Variants in ASPM observed in about 807,000 individuals in gnomAD.
The protein encoded by ASPM is assembly factor for spindle microtubules.
Under a neutral mutation model 366.4 loss-of-function variants are expected in ASPM, and 256 were observed. The observed-to-expected ratio is 0.70, with a 90% CI of 0.63 to 0.77. ASPM has a LOEUF of 0.77. Ranked by LOEUF, ASPM falls within the 30% of genes least tolerant of loss-of-function variation. The pLI is 0.00. For synonymous variants in ASPM, 1,414 were observed against 1,342.9 expected, an observed-to-expected ratio of 1.05 and a Z score of -1.16; for missense variants, 4,146 against 4,090.4, an observed-to-expected ratio of 1.01 and a Z score of -0.37.
At chr1:197,145,711 G>A (rs1463278050) in intron 1 of ASPM, among the ~76,000 whole-genome samples, 1 of 152,000 alleles carries the variant, frequency 6.6e-6, no homozygotes, top group African/African-American at 2.4e-5. Context: ...ATTTCACAAC[G>A]CCTTAAGTCT....
chr1:197,131,034 A>G (rs1658240018), intron 7 of ASPM, among the ~76,000 whole-genome samples: 1 of 152,214 alleles, frequency 6.6e-6, no homozygotes. Context: ...GAATTCTTTC[A>G]TATGTGAAGC....
Position 197,143,328 on chromosome 1 carries a change from A to G in ASPM, c.924T>C (p.Ile308=). 1 of 1,613,984 alleles carries G rather than the reference A, an allele frequency of 6.2e-7. No homozygotes were observed. Among genetic ancestry groups the G allele is most frequent in the Non-Finnish European group, 8.5e-7 (1 of 1,179,832 alleles). The part of the protein sequence containing the change: ...LTPNCSSTLN[I]TQSQIHFLSP... The stretch of plus-strand genomic sequence containing the variant: ...TTAGAAAATGTATTTGGCTTTGTGT[A>G]ATGTTCAAAGTTGAAGAACAGTTGG... The change falls in exon 3 of 28, where the codon ATT becomes ATC. Residue 308 remains isoleucine, a synonymous_variant. Transcript: ENST00000367409.
In ASPM at chr1:197,084,342, C is replaced by A; in HGVS notation, c.10416G>T (p.Thr3472=). 6.2e-7 allele frequency: 1 copy of A among 1,610,386 alleles called. No individual in the cohort carries two copies. The highest frequency in any genetic ancestry group is 1.1e-5 in the South Asian group (1 of 90,962). The change falls in exon 28 of 28, where the codon ACG becomes ACT. Residue 3472 remains threonine (T), a synonymous_variant. Transcript: ENST00000367409. ...PLQAIQMVMD[T]LGIPY ...ACATTTACTAATAAGGAATGCCAAG[C>A]GTATCCATCACCATTTGAATAGCTT...
At position 197,102,533 on chromosome 1, in the gene ASPM, T is replaced by A; in HGVS notation, c.6718A>T (p.Arg2240Trp). The A allele has an allele frequency of 6.2e-7, 1 of 1,612,634 alleles. No individual in the cohort carries two copies. The highest frequency in any genetic ancestry group is 8.5e-7 in the Non-Finnish European group (1 of 1,179,226). The stretch of plus-strand genomic sequence containing the variant: ...GCCTGAATGTATATTACAGAATGCC[T>A]CAGTTTGTTATACCTTTGAAATTGT... ...NIQFQRYNKL[R>W]HSVIYIQAIF... The change falls in exon 18 of 28, where the codon AGG (arginine) becomes TGG (tryptophan). Residue 2240 changes from arginine (R) to tryptophan (W), a missense_variant. Physicochemically the swap from Arg to Trp is moderately radical, Grantham distance 101 (BLOSUM62 -3). Around this residue, in one of 3 missense-constraint regions of ASPM, gnomAD observed 3,624 missense variants for 3,591.7 expected, o/e 1.01. Transcript: ENST00000367409.
intron 4 of ASPM, among the ~76,000 whole-genome samples, chr1:197,135,851 G>A (rs942054450): frequency 1.2e-4 from 19 of 152,088 alleles, no homozygotes; most frequent in Admixed American, 3.9e-4. Flanking sequence ...TACCTGGGAG[G>A]CCGAGACGGG....
Position 197,142,492 on chromosome 1 carries a change from C to A in ASPM, c.1760G>T (p.Arg587Ile). The A allele has an allele frequency of 6.2e-7, 1 of 1,614,030 alleles. No individual in the cohort carries two copies. Among genetic ancestry groups the A allele is most frequent in the African/African-American group, 1.3e-5 (1 of 75,058 alleles). Residue 587 changes from arginine (R) to isoleucine (I), a missense_variant, in exon 3 of 28, where the codon AGA becomes ATA. This residue lies in a region of ASPM where 3,624 missense variants were observed against 3,591.7 expected (regional missense o/e 1.01). Coordinates refer to ENST00000367409, the MANE Select transcript of ASPM (RefSeq NM_018136.5). ...TTCTGTATGTTCTGTAATTGCAACT[C>A]TCACATTTGCATCTTCCATGCTTCC... The part of the protein sequence containing the change: ...SDGSMEDANV[R>I]VAITEHTEVR...
intron 6 of ASPM, among the ~76,000 whole-genome samples, chr1:197,133,138 C>T (rs1480663961): frequency 2.0e-5 from 3 of 152,144 alleles, no homozygotes; most frequent in African/African-American, 7.2e-5. Flanking sequence ...CACACATACA[C>T]ACAAGAAGGT....
At position 197,117,908 on chromosome 1, in the gene ASPM, C is replaced by T; in HGVS notation, c.3946G>A (p.Val1316Ile). The part of the protein sequence containing the change: ...FLAKQRLRKR[V>I]NAALVIQKYW... Reference sequence around the variant, plus strand: ...TTCTGAATGACGAGTGCTGCATTAACTCTTTTTCTCAATCTTTGTTTTGCT... The same window carrying T: ...TTCTGAATGACGAGTGCTGCATTAATTCTTTTTCTCAATCTTTGTTTTGCT... Residue 1316 changes from valine (V) to isoleucine (I), a missense_variant, in exon 17 of 28, where the codon GTT becomes ATT. This residue lies in a region of ASPM where 3,624 missense variants were observed against 3,591.7 expected (regional missense o/e 1.01). Coordinates refer to ENST00000367409, the MANE Select transcript of ASPM (RefSeq NM_018136.5). 6.2e-7 allele frequency: 1 copy of T among 1,613,506 alleles called. No homozygotes were observed. Among genetic ancestry groups the T allele is most frequent in the East Asian group, 2.2e-5 (1 of 44,830 alleles).
In ASPM at chr1:197,105,084, A is replaced by G; in HGVS notation, c.4167T>C (p.Ser1389=). The G allele has an allele frequency of 6.2e-7, 1 of 1,609,802 alleles. No homozygotes were observed. Among genetic ancestry groups the G allele is most frequent in the Non-Finnish European group, 8.5e-7 (1 of 1,177,006 alleles). ...SRIRMIIAVT[S]YKRYLWATVT... ...CTGTAGCCCAAAGATATCGTTTATA[A>G]GATGTAACAGCAATTATCATTCTTA... Residue 1389 remains serine (S), a synonymous_variant, in exon 18 of 28, where the codon TCT becomes TCC. Coordinates refer to ENST00000367409, the MANE Select transcript of ASPM (RefSeq NM_018136.5).
chr1:197,139,839 T>C lies in ASPM; in HGVS notation c.1954A>G (p.Thr652Ala). ...LSIFRTPISK[T>A]NKRTKPIIAV... ...ATAATGGGTTTTGTCCTTTTGTTTG[T>C]TTTAGAAATTGGAGTTCTGAATATT... The change falls in exon 4 of 28, where the codon ACA becomes GCA. Residue 652 changes from threonine to alanine, a missense_variant. Transcript: ENST00000367409. The C allele has an allele frequency of 6.2e-7, 1 of 1,610,788 alleles. No homozygotes were observed. Among genetic ancestry groups the C allele is most frequent in the Non-Finnish European group, 8.5e-7 (1 of 1,177,054 alleles).
intron 17 of ASPM, among the ~76,000 whole-genome samples, chr1:197,107,440 C>T (rs1429657862): frequency 6.6e-6 from 1 of 152,102 alleles, no homozygotes; most frequent in Non-Finnish European, 1.5e-5. Flanking sequence ...GCTGCTAAAA[C>T]TAAAATATCA....
chr1:197,101,978 T>TC lies in ASPM; in HGVS notation c.7272dup (p.Arg2425GlufsTer26), dbSNP rs1657204272. ...GCTTTTTTGAGGGAAATGAATCTTC[T>TC]CCTCACCAGTAATGATCTAAACCTA... On this transcript the variant is annotated frameshift_variant, in exon 18 of 28. Transcript: ENST00000367409. LOFTEE classifies it high-confidence loss of function. 1.2e-6 allele frequency: 2 copies of TC among 1,612,610 alleles called. No homozygotes were observed. The highest frequency in any genetic ancestry group is 1.7e-6 in the Non-Finnish European group (2 of 1,179,266).
At chr1:197,127,193 A>C (rs911040359) in intron 10 of ASPM, among the ~76,000 whole-genome samples, 3 of 152,230 alleles carry the variant, frequency 2.0e-5, no homozygotes, top group African/African-American at 7.2e-5. Context: ...AGTCGAAACA[A>C]AGAAATTAAA....
In ASPM at chr1:197,090,015, A is replaced by G. The variant is rs1656723504; in HGVS notation, c.9899T>C (p.Phe3300Ser). 1 of 1,613,340 alleles carries G rather than the reference A, an allele frequency of 6.2e-7. No individual in the cohort carries two copies. The highest frequency in any genetic ancestry group is 1.1e-5 in the South Asian group (1 of 91,068). ...GCGATTACAACTTCGGATCAAAACAAATATTTTAGAAATTGCTCCACTCTG... is the reference window on the plus strand; with the variant it reads ...GCGATTACAACTTCGGATCAAAACAGATATTTTAGAAATTGCTCCACTCTG... ...MAQSGAISKI[F>S]VLIRSCNRSI... Residue 3300 changes from phenylalanine (F) to serine (S), a missense_variant, in exon 25 of 28, where the codon TTT (phenylalanine) becomes TCT (serine). By Grantham distance (155) the Phe-to-Ser change is radical. This residue lies in a region of ASPM where 3,624 missense variants were observed against 3,591.7 expected (regional missense o/e 1.01). Coordinates refer to ENST00000367409, the MANE Select transcript of ASPM (RefSeq NM_018136.5).
intron 4 of ASPM, chr1:197,139,376 C>T (rs115890991): frequency 1.2e-5 from 7 of 588,134 alleles, no homozygotes; most frequent in African/African-American, 3.8e-5. Context: ...GGAGGGATCA[C>T]GAGGTCAGGA....
chr1:197,086,918 T>G lies in ASPM; in HGVS notation c.10216A>C (p.Thr3406Pro). The G allele has an allele frequency of 6.2e-7, 1 of 1,611,542 alleles. No individual in the cohort carries two copies. Among genetic ancestry groups the G allele is most frequent in the Non-Finnish European group, 8.5e-7 (1 of 1,179,292 alleles). ...VDRIYSLYKLTAHKHKMNTER... is the reference protein window; with the variant it reads ...VDRIYSLYKLPAHKHKMNTER... Reference sequence around the variant, plus strand: ...GTATTCATTTTATGTTTATGAGCTGTAAGTTTGTAGAGACTGTAAATACGG... The same window carrying G: ...GTATTCATTTTATGTTTATGAGCTGGAAGTTTGTAGAGACTGTAAATACGG... Residue 3406 changes from threonine (T) to proline (P), a missense_variant, in exon 27 of 28, where the codon ACA (threonine) becomes CCA (proline). Physicochemically the swap from Thr to Pro is conservative, Grantham distance 38 (BLOSUM62 -1). Around this residue, in one of 3 missense-constraint regions of ASPM, gnomAD observed 3,624 missense variants for 3,591.7 expected, o/e 1.01. Transcript: ENST00000367409.
In ASPM at chr1:197,101,243, T is replaced by C. The variant is rs1169956627; in HGVS notation, c.8008A>G (p.Ile2670Val). 1.7e-5 allele frequency: 27 copies of C among 1,612,274 alleles called. No homozygotes were observed. The highest frequency in any genetic ancestry group is 1.7e-4 in the Middle Eastern group (1 of 6,034). ...CCTCTGTAATAAGACTGTATACAAA[T>C]AACTGCTTGGGTACGCACTGCAGTT... ...KLTAVRTQAVICIQSYYRGFK... is the reference protein window; with the variant it reads ...KLTAVRTQAVVCIQSYYRGFK... The change falls in exon 18 of 28, where the codon ATT becomes GTT. Residue 2670 changes from isoleucine (I) to valine (V), a missense_variant. This residue lies in a region of ASPM where 3,624 missense variants were observed against 3,591.7 expected (regional missense o/e 1.01). Coordinates refer to ENST00000367409, the MANE Select transcript of ASPM (RefSeq NM_018136.5).
chr1:197,133,272 T>C (rs1658317359), intron 6 of ASPM, 78 bp downstream of exon 6: 1 of 1,477,348 alleles, frequency 6.8e-7, no homozygotes, highest in Non-Finnish European at 9.1e-7. Flanking sequence ...TATATGTCAA[T>C]AAAGCCGGGG....
chr1:197,146,339 C>T lies in ASPM; in HGVS notation c.99G>A (p.Ala33=), dbSNP rs749806576. ...GLRGPAAEEE[A]SSPPVLSLSH... is the part of the protein sequence containing the mutation. ...TGAGAGACAGGACCGGCGGGGAAGA[C>T]GCCTCCTCCTCGGCCGCGGGGCCCC... Residue 33 remains alanine (A), a synonymous_variant, in exon 1 of 28, where the codon GCG becomes GCA. Coordinates refer to ENST00000367409, the MANE Select transcript of ASPM (RefSeq NM_018136.5). 9 of 1,612,466 alleles carry T rather than the reference C, an allele frequency of 5.6e-6. No homozygotes were observed. In the South Asian group the frequency reaches 8.8e-5, roughly 16 times the overall value.
Sources: gnomAD v4.1 joint callset for allele counts (sites outside exome capture counted in the v4.1 genomes callset) on GRCh38, gnomAD v4.1.1 for gene constraint, gnomAD v4.1.1 regional missense constraint, MANE v1.5 for transcripts, NCBI Gene and HGNC (gene_info 2026-07-23, HGNC 2026-07-21) for gene names.